Variants in CELF2 observed in about 807,000 individuals in gnomAD.
CELF2 encodes CUG triplet repeat RNA-binding protein 2.
Under a neutral mutation model 62.6 loss-of-function variants are expected in CELF2, and 8 were observed. That is an observed-to-expected ratio of 0.13 (90% CI 0.07 to 0.23). The LOEUF is 0.23. Among genes scored for constraint, CELF2 ranks in the 10% least tolerant of loss-of-function variants. The probability of loss-of-function intolerance (pLI) is 1.00; values close to 1 mark genes in which losing one functional copy is unlikely to be tolerated. For missense variants in CELF2, 333 were observed against 671.0 expected, an observed-to-expected ratio of 0.50 and a Z score of 5.56; for synonymous variants, 258 against 250.0, an observed-to-expected ratio of 1.03 and a Z score of -0.30.
chr10:10,749,184 T>C, the CELF2 span, among the ~76,000 whole-genome samples: 2 of 152,236 alleles, frequency 1.3e-5, no homozygotes, highest in Non-Finnish European at 2.9e-5. Flanking sequence ...ATTTAATGTC[T>C]ACTATGTGTC....
chr10:10,764,986 G>A, the CELF2 span, among the ~76,000 whole-genome samples: 2 of 152,238 alleles, frequency 1.3e-5, no homozygotes, highest in African/African-American at 4.8e-5. Flanking sequence ...CAGGAAAGCG[G>A]GATTAAGGGA....
intron 1 of CELF2, among the ~76,000 whole-genome samples, chr10:11,132,212 T>C (rs932242374): frequency 6.6e-6 from 1 of 152,234 alleles, no homozygotes; most frequent in African/African-American, 2.4e-5. Flanking sequence ...GCAAAGAATA[T>C]AAAACAAAGA....
intron 1 of CELF2, among the ~76,000 whole-genome samples, chr10:11,126,748 G>T (rs1013345959): frequency 6.6e-6 from 1 of 152,018 alleles, no homozygotes; most frequent in African/African-American, 2.4e-5. Flanking sequence ...ATACATTTCT[G>T]GTAGTTAGCA....
the CELF2 span, among the ~76,000 whole-genome samples, chr10:10,731,217 G>T: frequency 1.3e-5 from 2 of 151,278 alleles, no homozygotes; most frequent in African/African-American, 4.9e-5. Flanking sequence ...GGATTTATAT[G>T]TTAAGGAAGC....
chr10:11,073,777 A>G (rs1416884107), intron 1 of CELF2, among the ~76,000 whole-genome samples: 3 of 152,220 alleles, frequency 2.0e-5, no homozygotes, highest in Non-Finnish European at 4.4e-5. Flanking sequence ...TGATGGCTGC[A>G]GGGTGGTGGC....
At chr10:11,325,329 T>C (rs2095665570) in intron 11 of CELF2, among the ~76,000 whole-genome samples, 1 of 152,214 alleles carries the variant, frequency 6.6e-6, no homozygotes. Context: ...TGTTAAGAGA[T>C]TTGGCAAATC....
intron 1 of CELF2, among the ~76,000 whole-genome samples, chr10:10,890,968 C>A (rs945795623): frequency 1.3e-5 from 2 of 152,026 alleles, no homozygotes; most frequent in Non-Finnish European, 2.9e-5. Flanking sequence ...TGAGCCGAGA[C>A]TGCAGCATTG....
At chr10:10,616,295 G>GGTGTGTGTGTGTGT in the CELF2 span, among the ~76,000 whole-genome samples, 2 of 143,866 alleles carry the variant, frequency 1.4e-5, no homozygotes, top group African/African-American at 5.1e-5. Context: ...TTTTGTTTGG[G>GGTGTGTGTGTGTGT]GTGTGTGTGT....
rs142998614 is a variant in CELF2, at chr10:11,069,405, A to G, written c.74+51242A>G. ...GATTCTTCAGACGAAGATATCCCAG[A>G]TGAATTTTCCTCAACTCAGGAATCA... On this transcript the variant is annotated intron_variant, in intron 1 of 12. Transcript: ENST00000633077. Among the ~76,000 whole-genome samples, 647 of 152,336 alleles carry G rather than the reference A, an allele frequency of 4.2e-3. 4 individuals are homozygous for G. Among genetic ancestry groups the G allele is most frequent in the African/African-American group, 0.014 (588 of 41,576 alleles).
chr10:11,309,920 T>A lies in CELF2; in HGVS notation c.977-4219T>A, dbSNP rs1288428296. Among the ~76,000 whole-genome samples the A allele has an allele frequency of 6.6e-6, 1 of 152,216 alleles. No homozygotes were observed. Among genetic ancestry groups the A allele is most frequent in the Non-Finnish European group, 1.5e-5 (1 of 68,032 alleles). ...GAGCCCTTTGTTCTTGTGACCTGTCTCTCCCTGCTCTGGAGGTGGTGCAGG... is the reference window on the plus strand; with the variant it reads ...GAGCCCTTTGTTCTTGTGACCTGTCACTCCCTGCTCTGGAGGTGGTGCAGG... On this transcript the variant is annotated intron_variant, in intron 9 of 12. Coordinates refer to ENST00000633077, the MANE Select transcript of CELF2 (RefSeq NM_001326342.2). This position sits in a 1 kb window ranked among gnomAD's most constrained non-coding sequence, Gnocchi z 5.6.
At chr10:10,476,267 C>T in the CELF2 span, among the ~76,000 whole-genome samples, 1 of 152,134 alleles carries the variant, frequency 6.6e-6, no homozygotes, top group Non-Finnish European at 1.5e-5. Context: ...CCCTCTGTGT[C>T]ATCCCAAGTA....
At chr10:10,631,124 T>C in the CELF2 span, among the ~76,000 whole-genome samples, 1 of 152,244 alleles carries the variant, frequency 6.6e-6, no homozygotes, top group African/African-American at 2.4e-5. Flanking sequence ...GATCATGTTT[T>C]ATTCCTATGA....
the CELF2 span, among the ~76,000 whole-genome samples, chr10:10,730,534 G>A: frequency 6.6e-6 from 1 of 152,164 alleles, no homozygotes; most frequent in Non-Finnish European, 1.5e-5. Context: ...CTAGCATGTA[G>A]CACTGTAACT....
At chr10:10,596,735 T>A in the CELF2 span, among the ~76,000 whole-genome samples, 1 of 152,264 alleles carries the variant, frequency 6.6e-6, no homozygotes, top group Non-Finnish European at 1.5e-5. Flanking sequence ...AGGAAAGCCG[T>A]GACCTCAGCT....
At chr10:10,746,215 A>C in the CELF2 span, among the ~76,000 whole-genome samples, 7 of 152,242 alleles carry the variant, frequency 4.6e-5, no homozygotes, top group South Asian at 1.4e-3. Context: ...AAGATGGAAT[A>C]GTCTGCATTC....
At chr10:11,070,497 GCA>G (rs1467448682) in intron 1 of CELF2, among the ~76,000 whole-genome samples, 1 of 152,222 alleles carries the variant, frequency 6.6e-6, no homozygotes, top group African/African-American at 2.4e-5. Flanking sequence ...TTTGAACCAG[GCA>G]CTTGTGCATA....
chr10:10,646,167 G>A, the CELF2 span, among the ~76,000 whole-genome samples: 2 of 152,160 alleles, frequency 1.3e-5, no homozygotes, highest in Non-Finnish European at 2.9e-5. Flanking sequence ...GATCATCTAA[G>A]TGCTCTGAGC....
At chr10:10,751,468 T>C in the CELF2 span, among the ~76,000 whole-genome samples, 1 of 152,216 alleles carries the variant, frequency 6.6e-6, no homozygotes, top group African/African-American at 2.4e-5. Context: ...AGGGGCAAAA[T>C]AGACCACCAT....
chr10:10,582,455 A>G, the CELF2 span, among the ~76,000 whole-genome samples: 2 of 152,212 alleles, frequency 1.3e-5, no homozygotes, highest in African/African-American at 4.8e-5. Context: ...AAGGATAAGA[A>G]GGGAACTTAG....
Sources: allele counts gnomAD v4.1 joint callset (sites outside exome capture counted in the v4.1 genomes callset), GRCh38; gene constraint gnomAD v4.1.1; non-coding constraint Gnocchi (gnomAD v3.1); transcripts MANE v1.5; gene names NCBI Gene and HGNC (gene_info 2026-07-23, HGNC 2026-07-21).